ZFAND3: variants seen among roughly 807,000 people sequenced by gnomAD.
The protein encoded by ZFAND3 is AN1-type zinc finger protein 3.
In ZFAND3, 10 loss-of-function variants were observed where a neutral mutation model predicts 29.6. The observed-to-expected ratio is 0.34, with a 90% CI of 0.21 to 0.57. ZFAND3 has a LOEUF of 0.57. Ranked by LOEUF, ZFAND3 falls within the 20% of genes least tolerant of loss-of-function variation. ZFAND3 has a pLI of 0.86. For missense variants in ZFAND3, 230 were observed against 304.5 expected (o/e 0.76, Z 1.82); for synonymous variants, 128 against 112.6 (o/e 1.14, Z -0.87).
At chr6:37,846,130 A>G (rs1176900018) in intron 1 of ZFAND3, among the ~76,000 whole-genome samples, 1 of 152,184 alleles carries the variant, frequency 6.6e-6, no homozygotes, top group Non-Finnish European at 1.5e-5. Context: ...CTGATTCATC[A>G]TTTGTATATG....
intron 2 of ZFAND3, among the ~76,000 whole-genome samples, chr6:38,055,572 G>A (rs1022544605): frequency 5.3e-5 from 8 of 152,138 alleles, no homozygotes; most frequent in African/African-American, 1.7e-4. Flanking sequence ...CACAGGAGGC[G>A]CTTAATTCTT....
chr6:37,866,061 A>T (rs1404970273), intron 1 of ZFAND3, among the ~76,000 whole-genome samples: 5 of 152,088 alleles, frequency 3.3e-5, no homozygotes, highest in African/African-American at 1.2e-4. Flanking sequence ...TCTTGGCCTT[A>T]AACTATCCTT....
At chr6:37,999,571 G>C (rs1581826846) in intron 2 of ZFAND3, among the ~76,000 whole-genome samples, 1 of 152,206 alleles carries the variant, frequency 6.6e-6, no homozygotes, top group Non-Finnish European at 1.5e-5. Context: ...AATGGCCTCT[G>C]TGATCTTCCT....
intron 2 of ZFAND3, among the ~76,000 whole-genome samples, chr6:38,013,398 A>G (rs1264141259): frequency 6.6e-6 from 1 of 152,208 alleles, no homozygotes; most frequent in African/African-American, 2.4e-5. Context: ...CAAAACAAAT[A>G]CATTCCATGT....
At chr6:37,853,412 G>GAAA (rs56738009) in intron 1 of ZFAND3, among the ~76,000 whole-genome samples, 4,207 of 63,420 alleles carry the variant, frequency 0.066, 218 homozygotes, top group African/African-American at 0.16. Context: ...TGAGCCTCAA[G>GAAA]AAAAAAAAAA....
chr6:37,959,342 C>T (rs1762155067), intron 2 of ZFAND3, among the ~76,000 whole-genome samples: 1 of 152,202 alleles, frequency 6.6e-6, no homozygotes, highest in African/African-American at 2.4e-5. Context: ...AGTCTGACTT[C>T]ATCAAAATGG....
chr6:38,151,447 T>G (rs1186490120), intron 5 of ZFAND3, among the ~76,000 whole-genome samples: 1 of 133,296 alleles, frequency 7.5e-6, no homozygotes, highest in Non-Finnish European at 1.6e-5. Context: ...CAGCTGGGGG[T>G]CCGAGTGTGG....
intron 1 of ZFAND3, among the ~76,000 whole-genome samples, chr6:37,892,181 A>G (rs1765117307): frequency 6.6e-6 from 1 of 152,250 alleles, no homozygotes; most frequent in African/African-American, 2.4e-5. Context: ...TCAATAGCAG[A>G]AAGAAATTTG....
At chr6:38,122,590 C>T (rs1301424126) in intron 5 of ZFAND3, among the ~76,000 whole-genome samples, 3 of 152,274 alleles carry the variant, frequency 2.0e-5, no homozygotes, top group Non-Finnish European at 4.4e-5. Context: ...GGAGCATTCC[C>T]TTATTCTTTG....
At chr6:37,892,122 G>A (rs1180811809) in intron 1 of ZFAND3, among the ~76,000 whole-genome samples, 1 of 152,076 alleles carries the variant, frequency 6.6e-6, no homozygotes, top group Non-Finnish European at 1.5e-5. Context: ...TTAAAAGGAT[G>A]GAAATAATAC....
At chr6:37,870,299 A>G (rs1275114148) in intron 1 of ZFAND3, among the ~76,000 whole-genome samples, 1 of 148,724 alleles carries the variant, frequency 6.7e-6, no homozygotes, top group Non-Finnish European at 1.5e-5. Flanking sequence ...TCTCAAAAAA[A>G]AAAAAAAAAA....
At chr6:38,101,022 C>G (rs1278656736) in intron 4 of ZFAND3, among the ~76,000 whole-genome samples, 4 of 152,152 alleles carry the variant, frequency 2.6e-5, no homozygotes, top group Admixed American at 2.6e-4. Context: ...AAATTGCGAA[C>G]TTAACACTGA....
At chr6:37,974,461 G>GT (rs1372888021) in intron 2 of ZFAND3, among the ~76,000 whole-genome samples, 1 of 146,160 alleles carries the variant, frequency 6.8e-6, no homozygotes, top group East Asian at 2.0e-4. Context: ...CTGGAGGGCA[G>GT]TAGCGTGATC....
chr6:38,124,852 G>A (rs1581939187), intron 5 of ZFAND3, among the ~76,000 whole-genome samples: 1 of 152,214 alleles, frequency 6.6e-6, no homozygotes, highest in East Asian at 1.9e-4. Context: ...AGCGAGGGCT[G>A]CGAGGGCTGC....
intron 3 of ZFAND3, among the ~76,000 whole-genome samples, chr6:38,064,268 G>A (rs560041883): frequency 5.0e-4 from 76 of 152,322 alleles, no homozygotes; most frequent in Middle Eastern, 3.4e-3. Context: ...CAAAATGCAT[G>A]TGAGGCTGAG....
intron 5 of ZFAND3, among the ~76,000 whole-genome samples, chr6:38,142,056 C>G (rs1765968536): frequency 6.6e-6 from 1 of 152,208 alleles, no homozygotes; most frequent in Non-Finnish European, 1.5e-5. Flanking sequence ...GTACTTGGGT[C>G]TAAAGCTCAC....
At chr6:37,956,414 T>C (rs1191438674) in intron 2 of ZFAND3, among the ~76,000 whole-genome samples, 2 of 152,128 alleles carry the variant, frequency 1.3e-5, no homozygotes, top group Non-Finnish European at 2.9e-5. Flanking sequence ...AAAGGAATGC[T>C]CAGATCCTTG....
chr6:37,985,513 A>ACACCCC (rs1237099983), intron 2 of ZFAND3, among the ~76,000 whole-genome samples: 2 of 147,910 alleles, frequency 1.4e-5, no homozygotes, highest in African/African-American at 5.1e-5. Context: ...ACACACACAC[A>ACACCCC]CACACACACA....
intron 1 of ZFAND3, among the ~76,000 whole-genome samples, chr6:37,901,227 A>G (rs1281423054): frequency 6.6e-6 from 1 of 152,186 alleles, no homozygotes; most frequent in Non-Finnish European, 1.5e-5. Flanking sequence ...TCCTACCGAT[A>G]GCATATTAAG....
Sources: gnomAD v4.1 joint callset for allele counts (sites outside exome capture counted in the v4.1 genomes callset) on GRCh38, gnomAD v4.1.1 for gene constraint, MANE v1.5 for transcripts, NCBI Gene and HGNC (gene_info 2026-07-23, HGNC 2026-07-21) for gene names.